Variants in PARD6B observed in about 807,000 individuals in gnomAD.
PARD6B encodes the protein partitioning defective 6 homolog beta.
Under a neutral mutation model 10.5 loss-of-function variants are expected in PARD6B, and 4 were observed. The observed-to-expected ratio is 0.38, with a 90% CI of 0.19 to 0.87. The LOEUF is 0.87. Among genes scored for constraint, PARD6B ranks in the 40% least tolerant of loss-of-function variants. The pLI is 0.41. For synonymous variants in PARD6B, 169 were observed against 170.4 expected (o/e 0.99, Z 0.07); for missense variants, 396 against 470.6 (o/e 0.84, Z 1.47).
chr20:50,743,166 G>A (rs1265332210), intron 2 of PARD6B, among the ~76,000 whole-genome samples: 1 of 152,194 alleles, frequency 6.6e-6, no homozygotes, highest in East Asian at 1.9e-4. Flanking sequence ...CCAGGGAAAT[G>A]TGTATTTTTA....
At position 50,751,352 on chromosome 20, in the gene PARD6B, T is replaced by A; in HGVS notation, c.*864T>A. On this transcript the variant is annotated 3_prime_UTR_variant, in exon 3 of 3. Coordinates refer to ENST00000371610, the MANE Select transcript of PARD6B (RefSeq NM_032521.3). ...TTCCAGTTTCTTTTCTTTTCTTTCT[T>A]TTTTTTTTTTTTTTTTTTTTTGAGA... The A allele has an allele frequency of 1.2e-3, 99 of 85,162 alleles. No homozygotes were observed. The highest frequency in any genetic ancestry group is 4.2e-3 in the East Asian group (2 of 478). The allele number at this position is 85,162 out of a possible 1,614,324, so 5.3% of individuals were successfully genotyped here. A position where few individuals can be genotyped will look rare whatever the true frequency, so the allele number is the denominator to read the frequency against.
chr20:50,750,567 C>A lies in PARD6B; in HGVS notation c.*79C>A. The A allele has an allele frequency of 6.7e-7, 1 of 1,498,482 alleles. No homozygotes were observed. The highest frequency in any genetic ancestry group is 1.4e-5 in the South Asian group (1 of 73,816). The allele number at this position is 1,498,482 out of a possible 1,614,324, so 92.8% of individuals were successfully genotyped here. ...GGCTAGTTTAAAAGCATATATACCT[C>A]TGACCAGTGACGTGGAATAGGCATG... On this transcript the variant is annotated 3_prime_UTR_variant, in exon 3 of 3. Coordinates refer to ENST00000371610, the MANE Select transcript of PARD6B (RefSeq NM_032521.3).
intron 2 of PARD6B, among the ~76,000 whole-genome samples, chr20:50,746,152 C>T (rs1037581718): frequency 9.9e-5 from 15 of 151,272 alleles, no homozygotes; most frequent in African/African-American, 3.6e-4. Context: ...TGGATCCTTA[C>T]CCTTTGCTCT....
Position 50,753,301 on chromosome 20 carries a change from T to C in PARD6B, c.*2813T>C. 1.0e-6 allele frequency: 1 copy of C among 984,056 alleles called. No homozygotes were observed. Among genetic ancestry groups the C allele is most frequent in the Non-Finnish European group, 1.2e-6 (1 of 828,296 alleles). The allele number at this position is 984,056 out of a possible 1,614,324, so 61.0% of individuals were successfully genotyped here. A position where few individuals can be genotyped will look rare whatever the true frequency, so the allele number is the denominator to read the frequency against. ...TTTCTTAAATTATTGGTGAAATAATTGATTACTAGATATATTGTAAAACCA... is the reference window on the plus strand; with the variant it reads ...TTTCTTAAATTATTGGTGAAATAATCGATTACTAGATATATTGTAAAACCA... On this transcript the variant is annotated 3_prime_UTR_variant, in exon 3 of 3. Transcript: ENST00000371610.
intron 2 of PARD6B, among the ~76,000 whole-genome samples, chr20:50,744,878 T>G (rs2087557198): frequency 6.6e-6 from 1 of 152,198 alleles, no homozygotes; most frequent in African/African-American, 2.4e-5. Context: ...TGCTTATAGC[T>G]CTCAGCACCT....
chr20:50,745,271 A>G (rs1432189171), intron 2 of PARD6B, among the ~76,000 whole-genome samples: 1 of 152,182 alleles, frequency 6.6e-6, no homozygotes, highest in Non-Finnish European at 1.5e-5. Context: ...CTCTAATACA[A>G]AAATTAGCCG....
In PARD6B at chr20:50,731,861, G is replaced by T; in HGVS notation, c.66+9G>T. ...TGGAGGTGAAGAGCAAGGTGCGCGG[G>T]GCCCGGGCTGGGCGGAGCGGCGGGC... On this transcript the variant is annotated intron_variant, in intron 1 of 2. Coordinates refer to ENST00000371610, the MANE Select transcript of PARD6B (RefSeq NM_032521.3). 1 of 1,444,676 alleles carries T rather than the reference G, an allele frequency of 6.9e-7. No homozygotes were observed. The highest frequency in any genetic ancestry group is 9.1e-7 in the Non-Finnish European group (1 of 1,102,682). The allele number at this position is 1,444,676 out of a possible 1,614,324, so 89.5% of individuals were successfully genotyped here.
Position 50,751,280 on chromosome 20 carries a change from T to TTA in PARD6B, c.*792_*793insTA, listed in dbSNP as rs1555883101. 1.0e-6 allele frequency: 1 copy of TTA among 968,468 alleles called. No individual in the cohort carries two copies. Among genetic ancestry groups the TTA allele is most frequent in the Non-Finnish European group, 1.2e-6 (1 of 816,510 alleles). The allele number at this position is 968,468 out of a possible 1,614,324, so 60.0% of individuals were successfully genotyped here. ...CAGCCTATTTTGATTTTTGTTTTTTTATGTTCCTTTCTAATAAATTGTAAC... is the reference window on the plus strand; with the variant it reads ...CAGCCTATTTTGATTTTTGTTTTTTTTAATGTTCCTTTCTAATAAATTGTAAC... On this transcript the variant is annotated 3_prime_UTR_variant, in exon 3 of 3. Transcript: ENST00000371610.
At chr20:50,737,179 C>A (rs1444044980) in intron 1 of PARD6B, among the ~76,000 whole-genome samples, 7 of 152,174 alleles carry the variant, frequency 4.6e-5, no homozygotes, top group Non-Finnish European at 7.4e-5. Context: ...AGTAATTATT[C>A]TCTTTACCCA....
At chr20:50,738,874 G>C (rs1318905827) in intron 2 of PARD6B, among the ~76,000 whole-genome samples, 1 of 151,730 alleles carries the variant, frequency 6.6e-6, no homozygotes, top group Non-Finnish European at 1.5e-5. Flanking sequence ...TCCAGTCCCT[G>C]CCTCTCAAAG....
intron 2 of PARD6B, among the ~76,000 whole-genome samples, chr20:50,747,419 G>A (rs200833562): frequency 9.6e-6 from 1 of 104,504 alleles, no homozygotes; most frequent in Non-Finnish European, 2.0e-5. Flanking sequence ...CAACTATTTT[G>A]TGGAGGAGGA....
At chr20:50,739,734 G>A (rs1222747652) in intron 2 of PARD6B, among the ~76,000 whole-genome samples, 2 of 151,950 alleles carry the variant, frequency 1.3e-5, no homozygotes, top group African/African-American at 4.8e-5. Flanking sequence ...ACAGGAATGC[G>A]ATATAATGAG....
chr20:50,746,935 A>G (rs2087570499), intron 2 of PARD6B, among the ~76,000 whole-genome samples: 1 of 152,228 alleles, frequency 6.6e-6, no homozygotes, highest in Admixed American at 6.5e-5. Flanking sequence ...TTTTTTTGCC[A>G]AAAAGATTGT....
At chr20:50,735,827 A>C (rs2087496633) in intron 1 of PARD6B, among the ~76,000 whole-genome samples, 1 of 152,272 alleles carries the variant, frequency 6.6e-6, no homozygotes, top group Non-Finnish European at 1.5e-5. Context: ...AAAATGTTAA[A>C]TGATCAGATG....
chr20:50,736,201 G>A (rs1440266202), intron 1 of PARD6B, among the ~76,000 whole-genome samples: 2 of 152,192 alleles, frequency 1.3e-5, no homozygotes, highest in Non-Finnish European at 2.9e-5. Context: ...AGCAGAGCAG[G>A]TGAACTTTAG....
intron 2 of PARD6B, among the ~76,000 whole-genome samples, chr20:50,747,222 C>G (rs941063859): frequency 3.3e-5 from 5 of 152,120 alleles, no homozygotes; most frequent in African/African-American, 1.2e-4. Context: ...CGTAAGAAAA[C>G]CTGGGCTCTA....
chr20:50,741,255 C>T (rs553105489), intron 2 of PARD6B, among the ~76,000 whole-genome samples: 3 of 152,118 alleles, frequency 2.0e-5, no homozygotes, highest in African/African-American at 7.2e-5. Flanking sequence ...GCCACTGCAC[C>T]CAGCCGTTAG....
At chr20:50,735,344 T>A (rs1334029162) in intron 1 of PARD6B, among the ~76,000 whole-genome samples, 1 of 152,230 alleles carries the variant, frequency 6.6e-6, no homozygotes, top group Admixed American at 6.5e-5. Context: ...GTTGGGAAGA[T>A]TCTTAATCAA....
chr20:50,736,226 G>A (rs2087498710), intron 1 of PARD6B, among the ~76,000 whole-genome samples: 1 of 152,182 alleles, frequency 6.6e-6, no homozygotes, highest in Non-Finnish European at 1.5e-5. Flanking sequence ...AGCAAAACCA[G>A]TGAATCCAGA....
Sources: gnomAD v4.1 joint callset for allele counts (sites outside exome capture counted in the v4.1 genomes callset) on GRCh38, gnomAD v4.1.1 for gene constraint, MANE v1.5 for transcripts, NCBI Gene and HGNC (gene_info 2026-07-23, HGNC 2026-07-21) for gene names.